TMEM87B: variants seen among roughly 807,000 people sequenced by gnomAD.
TMEM87B encodes the protein transmembrane protein 87B.
A neutral mutation model predicts 80.3 loss-of-function variants in TMEM87B; 83 were observed. The ratio of observed to expected loss-of-function variants is 1.03; its 90% CI spans 0.87 to 1.24. The LOEUF (loss-of-function observed/expected upper bound fraction) is 1.24, where lower values mean the gene tolerates loss of function less well. TMEM87B is among the 50% of genes most tolerant of loss of function. The pLI, the probability that TMEM87B is intolerant of heterozygous loss-of-function variation, is 0.00. For synonymous variants in TMEM87B, 219 were observed against 230.5 expected, an observed-to-expected ratio of 0.95 and a Z score of 0.45; for missense variants, 625 against 674.4, an observed-to-expected ratio of 0.93 and a Z score of 0.81.
At chr2:112,077,809 G>A (rs867110172) in intron 6 of TMEM87B, among the ~76,000 whole-genome samples, 7 of 152,316 alleles carry the variant, frequency 4.6e-5, no homozygotes, top group Middle Eastern at 3.4e-3. Context: ...TTAAGCTGTG[G>A]TTCCTTAGTG....
At chr2:112,075,744 C>G (rs972660779) in intron 5 of TMEM87B, among the ~76,000 whole-genome samples, 6 of 152,124 alleles carry the variant, frequency 3.9e-5, no homozygotes, top group Non-Finnish European at 7.4e-5. Flanking sequence ...TGCTTTTATA[C>G]TATGACTCTT....
chr2:112,065,703 C>T (rs1047557545), intron 3 of TMEM87B, among the ~76,000 whole-genome samples: 3 of 150,786 alleles, frequency 2.0e-5, no homozygotes, highest in African/African-American at 4.9e-5. Context: ...TTAGAGCAGG[C>T]GCCCCCGCTC....
chr2:112,085,943 A>G, intron 8 of TMEM87B, 62 bp from the exon 9 acceptor site: 2 of 1,385,856 alleles, frequency 1.4e-6, no homozygotes, highest in Non-Finnish European at 2.0e-6. Context: ...GTTGTTGAGA[A>G]TCTTGGTTGG....
intron 15 of TMEM87B, among the ~76,000 whole-genome samples, chr2:112,101,702 G>A (rs1305195410): frequency 6.6e-6 from 1 of 152,124 alleles, no homozygotes; most frequent in Non-Finnish European, 1.5e-5. Flanking sequence ...AACTTTTATT[G>A]AAAAAAACTT....
intron 4 of TMEM87B, among the ~76,000 whole-genome samples, chr2:112,070,169 T>C (rs1227712019): frequency 2.0e-5 from 3 of 152,212 alleles, no homozygotes; most frequent in Non-Finnish European, 4.4e-5. Context: ...AGAAACTCTT[T>C]AGTTTAATTA....
intron 6 of TMEM87B, among the ~76,000 whole-genome samples, chr2:112,077,562 AT>A (rs1678863032): frequency 6.6e-6 from 1 of 152,168 alleles, no homozygotes; most frequent in African/African-American, 2.4e-5. Context: ...GATTAAAAAA[AT>A]TTTTTTAACA....
At position 112,119,235 on chromosome 2, in the gene TMEM87B, T is replaced by G. The variant is rs1033524091; in HGVS notation, c.*3092T>G. ...TCGTTGAATGTAGGACATAACCGTT[T>G]GAAGGGTTTTCATTTGAAAAATTGA... On this transcript the variant is annotated 3_prime_UTR_variant, in exon 19 of 19. Coordinates refer to ENST00000283206, the MANE Select transcript of TMEM87B (RefSeq NM_032824.3). The G allele has an allele frequency of 1.6e-4, 25 of 152,330 alleles. No individual in the cohort carries two copies. The highest frequency in any genetic ancestry group is 6.0e-4 in the African/African-American group (25 of 41,590). 9.4% of individuals were successfully genotyped at this position (152,330 alleles called of 1,614,324 possible). A position where few individuals can be genotyped will look rare whatever the true frequency, so the allele number is the denominator to read the frequency against.
rs1341370471 is a variant in TMEM87B at position 112,107,806 on chromosome 2, G to T, written c.1543G>T (p.Val515Leu). The change falls in exon 17 of 19, where the codon GTA becomes TTA. Residue 515 changes from valine (V) to leucine (L), a missense_variant. By Grantham distance (32) the Val-to-Leu change is conservative. Coordinates refer to ENST00000283206, the MANE Select transcript of TMEM87B (RefSeq NM_032824.3). ...TCTACAGGATGAAGATTTGAAGTGG[G>T]TAGAAGAAAATATTCCCTCTTCATT... ...SENFDEDLKW[V>L]EENIPSSFTD... The T allele has an allele frequency of 1.4e-5, 22 of 1,579,590 alleles. No homozygotes were observed. The highest frequency in any genetic ancestry group is 1.8e-5 in the Non-Finnish European group (21 of 1,156,718).
At chr2:112,110,546 T>C (rs1679882942) in intron 17 of TMEM87B, among the ~76,000 whole-genome samples, 1 of 152,172 alleles carries the variant, frequency 6.6e-6, no homozygotes, top group Admixed American at 6.5e-5. Flanking sequence ...TTTCCTGCAC[T>C]GTTATATGGA....
At chr2:112,103,571 A>G (rs1247822218) in intron 15 of TMEM87B, among the ~76,000 whole-genome samples, 1 of 151,066 alleles carries the variant, frequency 6.6e-6, no homozygotes, top group African/African-American at 2.5e-5. Flanking sequence ...CACATACTGT[A>G]TAATTTTGTT....
At chr2:112,071,048 A>C (rs971182894) in intron 4 of TMEM87B, among the ~76,000 whole-genome samples, 1 of 150,722 alleles carries the variant, frequency 6.6e-6, no homozygotes, top group Non-Finnish European at 1.5e-5. Context: ...GATGGTCTTG[A>C]TCTCCTGACT....
chr2:112,057,493 C>A (rs977488249), intron 1 of TMEM87B, among the ~76,000 whole-genome samples: 3 of 152,230 alleles, frequency 2.0e-5, no homozygotes, highest in Non-Finnish European at 4.4e-5. Context: ...CAAGGCTGGT[C>A]TTTAACTGCT....
chr2:112,107,785 C>T lies in TMEM87B; in HGVS notation c.1525-3C>T, dbSNP rs770896020. 9.0e-6 allele frequency: 14 copies of T among 1,562,950 alleles called. No homozygotes were observed. In the African/African-American group the frequency reaches 1.6e-4, roughly 18 times the overall value. ...CAAATGCTAAGTATAAATATTTCTA[C>T]AGGATGAAGATTTGAAGTGGGTAGA... On this transcript the variant is annotated splice_polypyrimidine_tract_variant and splice_region_variant and intron_variant, in intron 16 of 18. Coordinates refer to ENST00000283206, the MANE Select transcript of TMEM87B (RefSeq NM_032824.3).
intron 8 of TMEM87B, among the ~76,000 whole-genome samples, chr2:112,083,098 C>A (rs1046930014): frequency 2.0e-5 from 3 of 152,178 alleles, no homozygotes; most frequent in Non-Finnish European, 4.4e-5. Flanking sequence ...TTAGAAAAAT[C>A]ATTAGAAGGA....
At chr2:112,086,984 C>G (rs1300625259) in intron 9 of TMEM87B, among the ~76,000 whole-genome samples, 1 of 152,192 alleles carries the variant, frequency 6.6e-6, no homozygotes, top group Non-Finnish European at 1.5e-5. Flanking sequence ...AACTGTCAAC[C>G]TCCTCTGTTT....
At chr2:112,070,830 T>C (rs1333307364) in intron 4 of TMEM87B, among the ~76,000 whole-genome samples, 1 of 151,838 alleles carries the variant, frequency 6.6e-6, no homozygotes, top group Non-Finnish European at 1.5e-5. Flanking sequence ...TTTTTTTTTT[T>C]CTTTTTTTTG....
In TMEM87B at chr2:112,086,079, G is replaced by A; in HGVS notation, c.913G>A (p.Val305Met). ...GTTGGCTCGCCTTCTCGTGATCATT[G>A]TGAGCCTGGGCTATGGCATTGTGAA... The part of the protein sequence containing the change: ...RTLARLLVII[V>M]SLGYGIVKPR... Residue 305 changes from valine (V) to methionine (M), a missense_variant, in exon 9 of 19, where the codon GTG becomes ATG. Physicochemically the swap from Val to Met is conservative, Grantham distance 21. Coordinates refer to ENST00000283206, the MANE Select transcript of TMEM87B (RefSeq NM_032824.3). 6.2e-7 allele frequency: 1 copy of A among 1,614,204 alleles called. No individual in the cohort carries two copies. The highest frequency in any genetic ancestry group is 8.5e-7 in the Non-Finnish European group (1 of 1,180,032).
rs554858449 is a variant in TMEM87B, at chr2:112,068,661, G to A, written c.450+1594G>A. On this transcript the variant is annotated intron_variant, in intron 4 of 18. Transcript: ENST00000283206. ...GGAGCTTGCAGTGAGCCGAGATCAT[G>A]CCGCTGCACTCCAGCCTGGGCAACA... is the stretch of plus-strand genomic sequence containing the variant. Among the ~76,000 whole-genome samples the A allele has an allele frequency of 5.4e-3, 826 of 152,064 alleles. 3 individuals are homozygous for A. The highest frequency in any genetic ancestry group is 0.019 in the African/African-American group (801 of 41,496).
intron 1 of TMEM87B, 119 bp from the exon 2 acceptor site, chr2:112,059,857 TA>T: frequency 5.4e-6 from 7 of 1,299,738 alleles, no homozygotes; most frequent in East Asian, 2.8e-5. Context: ...AGATTTACGT[TA>T]AAAAAATACT....
Sources: allele counts gnomAD v4.1 joint callset (sites outside exome capture counted in the v4.1 genomes callset), GRCh38; gene constraint gnomAD v4.1.1; transcripts MANE v1.5; gene names NCBI Gene and HGNC (gene_info 2026-07-23, HGNC 2026-07-21).